GRIN2B: variants seen among roughly 807,000 people sequenced by gnomAD.
GRIN2B encodes glutamate receptor ionotropic, NMDA 2B.
GRIN2B carries 5 observed loss-of-function variants against 114.5 expected under a neutral mutation model. The ratio of observed to expected loss-of-function variants is 0.04; its 90% CI spans 0.02 to 0.09. GRIN2B has a LOEUF of 0.09. Ranked by LOEUF, GRIN2B falls within the 10% of genes least tolerant of loss-of-function variation. GRIN2B has a pLI of 1.00. For synonymous variants in GRIN2B, 787 were observed against 745.1 expected (o/e 1.06, Z -0.92); for missense variants, 1,108 against 1,943.5 (o/e 0.57, Z 8.08).
chr12:13,862,238 A>C (rs1865763763), intron 3 of GRIN2B, among the ~76,000 whole-genome samples: 1 of 152,206 alleles, frequency 6.6e-6, no homozygotes, highest in African/African-American at 2.4e-5. Context: ...CTATTTGACG[A>C]GGTGCTGAAC....
At chr12:13,956,405 A>G (rs1867593204) in intron 2 of GRIN2B, among the ~76,000 whole-genome samples, 1 of 152,214 alleles carries the variant, frequency 6.6e-6, no homozygotes, top group South Asian at 2.1e-4. Flanking sequence ...TGGCAATTTG[A>G]GTTATGTTCT....
chr12:13,744,315 T>C (rs1398198291), intron 4 of GRIN2B, among the ~76,000 whole-genome samples: 1 of 152,210 alleles, frequency 6.6e-6, no homozygotes, highest in African/African-American at 2.4e-5. Flanking sequence ...ATGTAACATA[T>C]AAAAGTGTTT....
At chr12:13,869,673 C>T (rs1421597709) in intron 2 of GRIN2B, among the ~76,000 whole-genome samples, 1 of 152,202 alleles carries the variant, frequency 6.6e-6, no homozygotes, top group Admixed American at 6.5e-5. Context: ...AATTTTCAAA[C>T]CCAAGTTTGT....
chr12:13,570,100 G>T, intron 11 of GRIN2B, 83 bp from the exon 12 acceptor site: 2 of 947,462 alleles, frequency 2.1e-6, no homozygotes, highest in East Asian at 2.5e-5. Flanking sequence ...GAAGCAGTAG[G>T]GTTCCAGAAA....
intron 4 of GRIN2B, among the ~76,000 whole-genome samples, chr12:13,686,196 A>T (rs1177239401): frequency 6.6e-6 from 1 of 152,312 alleles, no homozygotes; most frequent in East Asian, 1.9e-4. Context: ...GTTGGGGAAG[A>T]TCAAATTTAT....
chr12:13,579,568 A>C (rs1450167348), intron 10 of GRIN2B, among the ~76,000 whole-genome samples: 1 of 152,214 alleles, frequency 6.6e-6, no homozygotes, highest in Non-Finnish European at 1.5e-5. Flanking sequence ...TATCATTATT[A>C]CTATCATCAT....
At chr12:13,736,307 T>A (rs1863183869) in intron 4 of GRIN2B, among the ~76,000 whole-genome samples, 1 of 152,026 alleles carries the variant, frequency 6.6e-6, no homozygotes, top group South Asian at 2.1e-4. Flanking sequence ...CCTCTTCCTC[T>A]CCCTTTCTGG....
rs554577435 is a variant in GRIN2B at position 13,924,853 on chromosome 12, T to C, written c.-19+55075A>G. ...CTCTAAATGGTAATCTGCATTTTATTTAAATTTCACAGTTTTACACCCTAG... is the reference window on the plus strand; with the variant it reads ...CTCTAAATGGTAATCTGCATTTTATCTAAATTTCACAGTTTTACACCCTAG... On this transcript the variant is annotated intron_variant, in intron 2 of 13. Coordinates refer to ENST00000609686, the MANE Select transcript of GRIN2B (RefSeq NM_000834.5). Among the ~76,000 whole-genome samples, 6 of 152,314 alleles carry C rather than the reference T, an allele frequency of 3.9e-5. No individual in the cohort carries two copies. The South Asian group carries it at 1.2e-3, about 32-fold the overall frequency.
At chr12:13,979,485 AG>A (rs1399288086) in intron 2 of GRIN2B, among the ~76,000 whole-genome samples, 2 of 151,148 alleles carry the variant, frequency 1.3e-5, no homozygotes, top group African/African-American at 4.9e-5. Context: ...GACAGGAGAC[AG>A]GGAGAGAGGC....
chr12:13,802,761 T>C (rs1330804004), intron 3 of GRIN2B, among the ~76,000 whole-genome samples: 5 of 152,178 alleles, frequency 3.3e-5, no homozygotes, highest in Non-Finnish European at 7.4e-5. Context: ...ATATTGCACA[T>C]TGAGAGATGT....
intron 4 of GRIN2B, among the ~76,000 whole-genome samples, chr12:13,703,575 ATCTC>A (rs1330042151): frequency 1.3e-5 from 2 of 152,068 alleles, no homozygotes; most frequent in Admixed American, 1.3e-4. Context: ...CAATACTTTA[ATCTC>A]TCTCTCTACA....
intron 3 of GRIN2B, among the ~76,000 whole-genome samples, chr12:13,757,504 G>A (rs1448398613): frequency 1.3e-5 from 2 of 152,100 alleles, no homozygotes; most frequent in Non-Finnish European, 2.9e-5. Context: ...GAGGATGAAG[G>A]ACAGAGATAT....
intron 2 of GRIN2B, among the ~76,000 whole-genome samples, chr12:13,938,251 C>T (rs1404830183): frequency 6.6e-6 from 1 of 151,664 alleles, no homozygotes; most frequent in Non-Finnish European, 1.5e-5. Context: ...TATAAATATA[C>T]CAACTCTCCA....
intron 3 of GRIN2B, among the ~76,000 whole-genome samples, chr12:13,798,975 T>C (rs1193565700): frequency 1.3e-5 from 2 of 152,218 alleles, no homozygotes; most frequent in Non-Finnish European, 2.9e-5. Flanking sequence ...ATTCATTGAA[T>C]GAATTAATTA....
intron 4 of GRIN2B, among the ~76,000 whole-genome samples, chr12:13,741,377 T>C (rs890814304): frequency 6.6e-6 from 1 of 152,152 alleles, no homozygotes; most frequent in Admixed American, 6.5e-5. Flanking sequence ...GTTAATGATA[T>C]GTTTATATAC....
chr12:13,963,786 A>G (rs1867740835), intron 2 of GRIN2B, among the ~76,000 whole-genome samples: 1 of 152,140 alleles, frequency 6.6e-6, no homozygotes, highest in South Asian at 2.1e-4. Context: ...TTGAATATTC[A>G]AGATCTAGGC....
chr12:13,606,074 T>G (rs1213694372), intron 10 of GRIN2B, among the ~76,000 whole-genome samples: 1 of 152,204 alleles, frequency 6.6e-6, no homozygotes, highest in African/African-American at 2.4e-5. Context: ...CACAGCCTCA[T>G]GTGAAGACAT....
At chr12:13,712,967 A>G (rs751392309) in intron 4 of GRIN2B, among the ~76,000 whole-genome samples, 24 of 151,886 alleles carry the variant, frequency 1.6e-4, no homozygotes, top group Non-Finnish European at 2.8e-4. Context: ...GAGCATAACT[A>G]TATACAACGC....
intron 2 of GRIN2B, among the ~76,000 whole-genome samples, chr12:13,904,231 C>T (rs1866503022): frequency 6.6e-6 from 1 of 151,810 alleles, no homozygotes; most frequent in Admixed American, 6.6e-5. Context: ...CTCTTTCTTT[C>T]CTTTCTTTAC....
Sources: allele counts gnomAD v4.1 joint callset (sites outside exome capture counted in the v4.1 genomes callset), GRCh38; gene constraint gnomAD v4.1.1; transcripts MANE v1.5; gene names NCBI Gene and HGNC (gene_info 2026-07-23, HGNC 2026-07-21).